SSBP2: variants seen among roughly 807,000 people sequenced by gnomAD.
SSBP2 encodes the protein single-stranded DNA-binding protein 2.
SSBP2 carries 17 observed loss-of-function variants against 61.8 expected under a neutral mutation model. The ratio of observed to expected loss-of-function variants is 0.28; its 90% CI spans 0.19 to 0.41. The LOEUF (loss-of-function observed/expected upper bound fraction) is 0.41, where lower values mean the gene tolerates loss of function less well. SSBP2 is among the 10% of genes least tolerant of loss of function. SSBP2 has a pLI of 1.00. For synonymous variants in SSBP2, 139 were observed against 141.3 expected (o/e 0.98, Z 0.12); for missense variants, 310 against 458.7 (o/e 0.68, Z 2.96).
intron 4 of SSBP2, among the ~76,000 whole-genome samples, chr5:81,520,126 A>G (rs938030358): frequency 6.6e-6 from 1 of 151,936 alleles, no homozygotes; most frequent in Admixed American, 6.6e-5. Context: ...CTGGGACTAC[A>G]GGCACTTGCC....
In SSBP2 at chr5:81,708,311, G is replaced by C. The variant is rs1754539361; in HGVS notation, c.62+42670C>G. Among the ~76,000 whole-genome samples the C allele has an allele frequency of 2.0e-5, 3 of 152,238 alleles. No homozygotes were observed. In the South Asian group the frequency reaches 6.2e-4, roughly 32 times the overall value. On this transcript the variant is annotated intron_variant, in intron 1 of 16. Transcript: ENST00000320672. Reference sequence around the variant, plus strand: ...GTTATGCATATAGTACAATACAGCAGATACATATCTTTGTACTGGAGTAGA... The same window carrying C: ...GTTATGCATATAGTACAATACAGCACATACATATCTTTGTACTGGAGTAGA...
intron 1 of SSBP2, among the ~76,000 whole-genome samples, chr5:81,719,215 G>A (rs183213711): frequency 1.3e-5 from 2 of 152,070 alleles, no homozygotes; most frequent in African/African-American, 2.4e-5. Context: ...TTTTCAAATC[G>A]TAAGGAGCAG....
chr5:81,441,918 T>C (rs904926080), intron 13 of SSBP2, among the ~76,000 whole-genome samples: 7 of 152,318 alleles, frequency 4.6e-5, no homozygotes, highest in South Asian at 2.1e-4. Flanking sequence ...GTAGGCCTAG[T>C]AGCCTGTGAA....
At chr5:81,444,154 G>A (rs1475582828) in intron 12 of SSBP2, among the ~76,000 whole-genome samples, 1 of 152,140 alleles carries the variant, frequency 6.6e-6, no homozygotes, top group Non-Finnish European at 1.5e-5. Context: ...AAAAGTTGGA[G>A]TGCCTACCTC....
At chr5:81,716,259 A>G (rs1755165530) in intron 1 of SSBP2, among the ~76,000 whole-genome samples, 1 of 152,180 alleles carries the variant, frequency 6.6e-6, no homozygotes. Context: ...GAAGCAGGAA[A>G]TGAGATAAGG....
chr5:81,571,474 T>A (rs1179668512), intron 4 of SSBP2, among the ~76,000 whole-genome samples: 1 of 152,166 alleles, frequency 6.6e-6, no homozygotes, highest in African/African-American at 2.4e-5. Flanking sequence ...GAACTATTCC[T>A]TCTTACAGTA....
intron 1 of SSBP2, among the ~76,000 whole-genome samples, chr5:81,671,466 T>C (rs1004687433): frequency 2.4e-4 from 37 of 152,156 alleles, no homozygotes; most frequent in African/African-American, 8.7e-4. Flanking sequence ...AATTCAGAAT[T>C]TGTGGCAATA....
chr5:81,739,732 T>C (rs955832942), intron 1 of SSBP2, among the ~76,000 whole-genome samples: 5 of 152,188 alleles, frequency 3.3e-5, no homozygotes, highest in African/African-American at 4.8e-5. Flanking sequence ...CACTATAAAA[T>C]AGTTAACAAG....
Position 81,751,012 on chromosome 5 carries a change from C to T in SSBP2, c.31G>A (p.Ala11Thr). Residue 11 changes from alanine (A) to threonine (T), a missense_variant, in exon 1 of 17, where the codon GCC becomes ACC. By Grantham distance (58) the Ala-to-Thr change is moderately conservative (BLOSUM62 0). This residue lies in a region of SSBP2 where 36 missense variants were observed against 27.0 expected (regional missense o/e 1.33). Transcript: ENST00000320672. The stretch of plus-strand genomic sequence containing the variant: ...CGGGCCTGGCTGTCGGACGGGACGG[C>T]GCTGCTGTTACTCTTGCCTTTGCCG... 6 of 1,599,374 alleles carry T rather than the reference C, an allele frequency of 3.8e-6. No individual in the cohort carries two copies. Among genetic ancestry groups the T allele is most frequent in the Non-Finnish European group, 5.1e-6 (6 of 1,173,166 alleles).
chr5:81,723,134 A>C (rs10474038), intron 1 of SSBP2, among the ~76,000 whole-genome samples: 21,122 of 151,988 alleles, frequency 0.14, 2,212 homozygotes, highest in East Asian at 0.49. Flanking sequence ...TTATCCATTT[A>C]GGAATAAAAG....
chr5:81,486,201 T>C lies in SSBP2; in HGVS notation c.432+3049A>G, dbSNP rs969724734. On this transcript the variant is annotated intron_variant, in intron 6 of 16. Transcript: ENST00000320672. ...GAGGAAAGAGAGCCTATATAAAAAC[T>C]TTTTATTATCTTTAACTTTTTAATT... Among the ~76,000 whole-genome samples the C allele has an allele frequency of 7.9e-5, 12 of 152,168 alleles. No individual in the cohort carries two copies. In the East Asian group the frequency reaches 9.6e-4, roughly 12 times the overall value.
chr5:81,445,137 T>TACA (rs1358800475), intron 12 of SSBP2, among the ~76,000 whole-genome samples: 3 of 46,582 alleles, frequency 6.4e-5, no homozygotes, highest in Admixed American at 3.1e-4. Flanking sequence ...AAAAAAAAAT[T>TACA]TTATATATAT....
chr5:81,587,949 G>A (rs1261195737), intron 4 of SSBP2, among the ~76,000 whole-genome samples: 1 of 152,038 alleles, frequency 6.6e-6, no homozygotes, highest in Non-Finnish European at 1.5e-5. Context: ...CATCTTGGTC[G>A]TTAAAGCTTG....
At chr5:81,448,472 C>A (rs1763548724) in intron 11 of SSBP2, among the ~76,000 whole-genome samples, 1 of 151,826 alleles carries the variant, frequency 6.6e-6, no homozygotes, top group African/African-American at 2.4e-5. Context: ...AGATTATTCT[C>A]CTGGAGAACC....
chr5:81,481,949 A>AT (rs1037436162), intron 6 of SSBP2, among the ~76,000 whole-genome samples: 17 of 149,604 alleles, frequency 1.1e-4, no homozygotes, highest in East Asian at 5.9e-4. Flanking sequence ...TTAGTATAAA[A>AT]TTTTTTTTTT....
At chr5:81,454,304 C>T (rs575821665) in intron 10 of SSBP2, among the ~76,000 whole-genome samples, 2 of 152,126 alleles carry the variant, frequency 1.3e-5, no homozygotes, top group East Asian at 3.9e-4. Flanking sequence ...AAGTTCCAGT[C>T]AATGGAAAGG....
intron 4 of SSBP2, among the ~76,000 whole-genome samples, chr5:81,523,085 C>T (rs911971670): frequency 3.2e-4 from 48 of 152,024 alleles, no homozygotes; most frequent in African/African-American, 1.1e-3. Context: ...AATAAGAGTG[C>T]TGTGACTGGC....
chr5:81,743,663 A>G (rs944578064), intron 1 of SSBP2, among the ~76,000 whole-genome samples: 1 of 152,194 alleles, frequency 6.6e-6, no homozygotes, highest in African/African-American at 2.4e-5. Context: ...ATTTGTTTAC[A>G]GGAAGAAATT....
chr5:81,488,048 TATATATATATAAATAA>T, intron 6 of SSBP2, among the ~76,000 whole-genome samples: 1 of 47,670 alleles, frequency 2.1e-5, no homozygotes, highest in South Asian at 5.4e-4. Context: ...TATATATATA[TATATATATATAAATAA>T]AATATCATAT....
Sources: allele counts gnomAD v4.1 joint callset (sites outside exome capture counted in the v4.1 genomes callset), GRCh38; gene constraint gnomAD v4.1.1; regional missense constraint gnomAD v4.1.1; transcripts MANE v1.5; gene names NCBI Gene and HGNC (gene_info 2026-07-23, HGNC 2026-07-21).